SMYD3: variants seen among roughly 807,000 people sequenced by gnomAD.
The protein encoded by SMYD3 is histone-lysine N-methyltransferase SMYD3.
A neutral mutation model predicts 57.7 loss-of-function variants in SMYD3; 36 were observed. The ratio of observed to expected loss-of-function variants is 0.62; its 90% CI spans 0.48 to 0.82. The LOEUF is 0.82. Among genes scored for constraint, SMYD3 ranks in the 40% least tolerant of loss-of-function variants. The probability of loss-of-function intolerance (pLI) is 0.00; values close to 1 mark genes in which losing one functional copy is unlikely to be tolerated. For synonymous variants in SMYD3, 211 were observed against 195.0 expected (o/e 1.08, Z -0.68); for missense variants, 515 against 538.8 (o/e 0.96, Z 0.44).
intron 10 of SMYD3, among the ~76,000 whole-genome samples, chr1:245,842,597 T>C (rs2050459545): frequency 6.6e-6 from 1 of 152,192 alleles, no homozygotes; most frequent in Non-Finnish European, 1.5e-5. Flanking sequence ...GGGGAATTAA[T>C]GAGAAAAGAA....
chr1:246,491,875 C>T (rs906954658), intron 1 of SMYD3, among the ~76,000 whole-genome samples: 8 of 152,150 alleles, frequency 5.3e-5, no homozygotes, highest in Non-Finnish European at 1.2e-4. Flanking sequence ...ACTCTGTGAC[C>T]GTGATGGATC....
chr1:246,291,671 C>T (rs1360659071), intron 5 of SMYD3, among the ~76,000 whole-genome samples: 1 of 152,194 alleles, frequency 6.6e-6, no homozygotes, highest in Non-Finnish European at 1.5e-5. Flanking sequence ...CTGTAATTTA[C>T]ACATTAAGTA....
At chr1:246,442,293 A>C (rs2067481715) in intron 1 of SMYD3, among the ~76,000 whole-genome samples, 1 of 152,212 alleles carries the variant, frequency 6.6e-6, no homozygotes, top group African/African-American at 2.4e-5. Flanking sequence ...ATGGTGGCTC[A>C]CGCCTGTAAT....
chr1:245,803,902 C>G (rs1196556804), intron 10 of SMYD3, among the ~76,000 whole-genome samples: 2 of 147,052 alleles, frequency 1.4e-5, no homozygotes, highest in African/African-American at 2.5e-5. Context: ...TTTCCAGTTA[C>G]GTAAGTCAGT....
intron 5 of SMYD3, among the ~76,000 whole-genome samples, chr1:246,049,707 A>C (rs1010933505): frequency 6.6e-6 from 1 of 152,218 alleles, no homozygotes; most frequent in African/African-American, 2.4e-5. Context: ...TAACTGAAAA[A>C]CAAACTAGCA....
intron 8 of SMYD3, among the ~76,000 whole-genome samples, chr1:245,897,649 C>T (rs1049320887): frequency 3.9e-5 from 6 of 152,154 alleles, no homozygotes; most frequent in Non-Finnish European, 8.8e-5. Context: ...AATCCCAGCA[C>T]TTTGGGAGGC....
Position 246,151,369 on chromosome 1 carries a change from CT to C in SMYD3, c.531+175831del, listed in dbSNP as rs1246969166. On this transcript the variant is annotated intron_variant, in intron 5 of 11. Coordinates refer to ENST00000490107, the MANE Select transcript of SMYD3 (RefSeq NM_001167740.2). The stretch of plus-strand genomic sequence containing the variant: ...CCTGTTAGATAATGAATCTAACTCC[CT>C]TTTTTTTTGATATGGTACAAAAAGT... 4.6e-5 allele frequency among the ~76,000 whole-genome samples: 7 copies of C among 151,004 alleles called. No homozygotes were observed. The South Asian group carries it at 8.4e-4, about 18-fold the overall frequency.
At chr1:245,943,745 C>T (rs750029299) in intron 5 of SMYD3, among the ~76,000 whole-genome samples, 1 of 152,098 alleles carries the variant, frequency 6.6e-6, no homozygotes, top group Non-Finnish European at 1.5e-5. Context: ...AAAATACTGG[C>T]AAACCAAATC....
chr1:246,267,170 TGAATACAAAGGAGCTAAGAGATAACG>T (rs1258880319), intron 5 of SMYD3, among the ~76,000 whole-genome samples: 2 of 152,166 alleles, frequency 1.3e-5, no homozygotes, highest in African/African-American at 2.4e-5. Flanking sequence ...GTGCATAGCC[TGAATACAAAGGAGCTAAGAGATAACG>T]GAATACATAC....
intron 5 of SMYD3, among the ~76,000 whole-genome samples, chr1:245,978,734 A>C (rs2058518602): frequency 6.6e-6 from 1 of 152,138 alleles, no homozygotes; most frequent in South Asian, 2.1e-4. Flanking sequence ...GTCTCTCGTC[A>C]GCAATGCTAC....
chr1:245,824,856 C>CA (rs34891255), intron 10 of SMYD3, among the ~76,000 whole-genome samples: 79,438 of 118,876 alleles, frequency 0.67, 28,601 homozygotes, highest in Non-Finnish European at 0.83. Flanking sequence ...AACTCCGTCT[C>CA]AAAAAAAAAA....
chr1:246,076,780 T>G (rs899255370), intron 5 of SMYD3, among the ~76,000 whole-genome samples: 9 of 152,170 alleles, frequency 5.9e-5, no homozygotes, highest in African/African-American at 2.2e-4. Flanking sequence ...CAGTCAGTAT[T>G]TATTGAATGT....
intron 5 of SMYD3, among the ~76,000 whole-genome samples, chr1:246,080,664 T>C (rs1045518685): frequency 2.6e-5 from 4 of 152,214 alleles, no homozygotes; most frequent in East Asian, 1.9e-4. Context: ...TCTTTTACCA[T>C]ACAAAGGAGG....
intron 5 of SMYD3, among the ~76,000 whole-genome samples, chr1:246,285,488 A>G (rs1408981390): frequency 6.6e-6 from 1 of 152,110 alleles, no homozygotes; most frequent in Non-Finnish European, 1.5e-5. Flanking sequence ...ACAAAAATCA[A>G]CTCAAGATGG....
intron 1 of SMYD3, among the ~76,000 whole-genome samples, chr1:246,495,861 C>A (rs12022808): frequency 0.41 from 62,053 of 151,340 alleles, 14,313 homozygotes; most frequent in East Asian, 0.71. Flanking sequence ...CGGAGGTAGG[C>A]GGCTTAGGTG....
chr1:246,021,882 G>A (rs983083611), intron 5 of SMYD3, among the ~76,000 whole-genome samples: 2 of 152,160 alleles, frequency 1.3e-5, no homozygotes, highest in African/African-American at 2.4e-5. Context: ...AGCTCACTTC[G>A]TGGGTTCTGT....
intron 5 of SMYD3, among the ~76,000 whole-genome samples, chr1:246,140,893 C>A (rs1331838739): frequency 6.6e-6 from 1 of 152,170 alleles, no homozygotes; most frequent in Non-Finnish European, 1.5e-5. Context: ...CCAAGCCCAG[C>A]TGGAAGGAAA....
intron 5 of SMYD3, among the ~76,000 whole-genome samples, chr1:246,017,361 C>T (rs2059395271): frequency 6.6e-6 from 1 of 152,124 alleles, no homozygotes; most frequent in Non-Finnish European, 1.5e-5. Flanking sequence ...ACATTACTAC[C>T]ATCCAATCCT....
In SMYD3 at chr1:246,426,432, A is replaced by G. The variant is rs568029055; in HGVS notation, c.165-71338T>C. Among the ~76,000 whole-genome samples, 12 of 152,250 alleles carry G rather than the reference A, an allele frequency of 7.9e-5. No individual in the cohort carries two copies. The South Asian group carries it at 2.5e-3, about 32-fold the overall frequency. On this transcript the variant is annotated intron_variant, in intron 1 of 11. Coordinates refer to ENST00000490107, the MANE Select transcript of SMYD3 (RefSeq NM_001167740.2). ...TATCCCTACCCCATCTCGACCTCCC[A>G]GCCCTACACAGCCACTAATCTACTT...
Sources: gnomAD v4.1 joint callset for allele counts (sites outside exome capture counted in the v4.1 genomes callset) on GRCh38, gnomAD v4.1.1 for gene constraint, MANE v1.5 for transcripts, NCBI Gene and HGNC (gene_info 2026-07-23, HGNC 2026-07-21) for gene names.